Variants in AGMO observed in about 807,000 individuals in gnomAD.
The protein encoded by AGMO is alkylglycerol monooxygenase.
Under a neutral mutation model 60.2 loss-of-function variants are expected in AGMO, and 75 were observed. The ratio of observed to expected loss-of-function variants is 1.25; its 90% CI spans 1.03 to 1.51. AGMO has a LOEUF of 1.51. AGMO is among the 40% of genes most tolerant of loss of function. The probability of loss-of-function intolerance (pLI) is 0.00; values close to 1 mark genes in which losing one functional copy is unlikely to be tolerated. For synonymous variants in AGMO, 261 were observed against 177.1 expected (o/e 1.47, Z -3.76); for missense variants, 763 against 525.5 (o/e 1.45, Z -4.42).
intron 12 of AGMO, among the ~76,000 whole-genome samples, chr7:15,208,449 A>C (rs1419116338): frequency 6.6e-6 from 1 of 152,104 alleles, no homozygotes; most frequent in Non-Finnish European, 1.5e-5. Flanking sequence ...TGAGAAGAAA[A>C]TTTTTTAAAA....
intron 12 of AGMO, among the ~76,000 whole-genome samples, chr7:15,332,059 A>T (rs1027555983): frequency 2.0e-5 from 3 of 152,136 alleles, no homozygotes; most frequent in Non-Finnish European, 4.4e-5. Context: ...AGACGAGTGA[A>T]ATCATAAGAT....
At chr7:15,466,397 A>G (rs568565504) in intron 3 of AGMO, among the ~76,000 whole-genome samples, 5 of 152,110 alleles carry the variant, frequency 3.3e-5, no homozygotes, top group Non-Finnish European at 7.4e-5. Context: ...TTAATGATAT[A>G]ATGTAGTTAA....
Position 15,387,482 on chromosome 7 carries a change from T to A in AGMO, c.881A>T (p.Lys294Met). The change falls in exon 9 of 13, where the codon AAG becomes ATG. Residue 294 changes from lysine to methionine, a missense_variant. Lys to Met is a moderately conservative substitution (Grantham distance 95). Transcript: ENST00000342526. ...TFWATPGFFN[K>M]FSVIFKGPGW... ...CGGTCCCTTAAATATGACAGAAAAC[T>A]TATTGAAGAATCCAGGTGTGGCCCA... is the stretch of plus-strand genomic sequence containing the variant. 6.2e-7 allele frequency: 1 copy of A among 1,613,986 alleles called. No homozygotes were observed. Among genetic ancestry groups the A allele is most frequent in the Non-Finnish European group, 8.5e-7 (1 of 1,179,914 alleles).
chr7:15,244,184 T>C (rs1782675672), intron 12 of AGMO, among the ~76,000 whole-genome samples: 1 of 72,108 alleles, frequency 1.4e-5, no homozygotes, highest in South Asian at 4.5e-4. Flanking sequence ...GTACAATAAA[T>C]AGAAGGATAC....
At chr7:15,279,580 A>C (rs968321798) in intron 12 of AGMO, among the ~76,000 whole-genome samples, 3 of 152,080 alleles carry the variant, frequency 2.0e-5, no homozygotes, top group African/African-American at 7.2e-5. Flanking sequence ...TCCAACTTGG[A>C]AAGACAAACT....
chr7:15,557,365 G>A (rs987747332), intron 2 of AGMO, among the ~76,000 whole-genome samples: 2 of 152,038 alleles, frequency 1.3e-5, no homozygotes, highest in Non-Finnish European at 2.9e-5. Flanking sequence ...AGCCCCTGTT[G>A]CTAGTGTAGA....
intron 12 of AGMO, among the ~76,000 whole-genome samples, chr7:15,331,996 A>C (rs938078229): frequency 9.2e-5 from 14 of 152,078 alleles, no homozygotes; most frequent in Admixed American, 8.5e-4. Context: ...ATGCTGCCCC[A>C]AAACCTCCAA....
intron 12 of AGMO, among the ~76,000 whole-genome samples, chr7:15,310,817 T>C (rs958586754): frequency 4.6e-5 from 7 of 152,180 alleles, no homozygotes; most frequent in Non-Finnish European, 1.0e-4. Context: ...GGCAGGGCTG[T>C]GTTCCTTTCT....
At chr7:15,272,376 G>A (rs570858245) in intron 12 of AGMO, among the ~76,000 whole-genome samples, 49 of 148,842 alleles carry the variant, frequency 3.3e-4, no homozygotes, top group African/African-American at 1.1e-3. Context: ...GAGAACATGC[G>A]GTGTTTGGTT....
At chr7:15,232,977 A>G (rs975122645) in intron 12 of AGMO, among the ~76,000 whole-genome samples, 6 of 152,224 alleles carry the variant, frequency 3.9e-5, no homozygotes, top group Admixed American at 1.3e-4. Context: ...CATTTTAAAG[A>G]GTAAACAGAG....
intron 3 of AGMO, among the ~76,000 whole-genome samples, chr7:15,460,552 G>A (rs914011738): frequency 1.3e-5 from 2 of 151,844 alleles, no homozygotes; most frequent in African/African-American, 4.8e-5. Context: ...TTGCTTTTCA[G>A]AAATAAATGT....
At chr7:15,452,630 C>T (rs921443002) in intron 3 of AGMO, among the ~76,000 whole-genome samples, 5 of 152,086 alleles carry the variant, frequency 3.3e-5, no homozygotes, top group African/African-American at 9.7e-5. Context: ...GAAACATTGC[C>T]GGTGTGTATG....
chr7:15,408,514 T>C (rs1182256873), intron 5 of AGMO, among the ~76,000 whole-genome samples: 1 of 151,818 alleles, frequency 6.6e-6, no homozygotes, highest in Admixed American at 6.6e-5. Context: ...GGAGGACAAC[T>C]CAACCAGTGT....
At chr7:15,331,543 T>C (rs1219829439) in intron 12 of AGMO, among the ~76,000 whole-genome samples, 1 of 152,128 alleles carries the variant, frequency 6.6e-6, no homozygotes, top group Non-Finnish European at 1.5e-5. Context: ...CTGTAAAGAT[T>C]TTTGCACTCT....
At chr7:15,385,416 C>T in intron 10 of AGMO, 30 bp downstream of exon 10, 1 of 1,339,062 alleles carries the variant, frequency 7.5e-7, no homozygotes, top group South Asian at 1.2e-5. Context: ...AGATAATGTT[C>T]TCACACTACT....
At chr7:15,376,287 T>C (rs1783447112) in intron 10 of AGMO, among the ~76,000 whole-genome samples, 2 of 151,988 alleles carry the variant, frequency 1.3e-5, no homozygotes, top group African/African-American at 4.8e-5. Flanking sequence ...ACCCTGGACA[T>C]TGACTTGAAA....
intron 12 of AGMO, among the ~76,000 whole-genome samples, chr7:15,232,734 C>T (rs986398696): frequency 6.6e-6 from 1 of 151,436 alleles, no homozygotes; most frequent in Admixed American, 6.6e-5. Context: ...TTCAACACTT[C>T]AGTACTCTAT....
intron 5 of AGMO, among the ~76,000 whole-genome samples, chr7:15,400,247 G>C (rs1784517962): frequency 6.6e-6 from 1 of 151,778 alleles, no homozygotes; most frequent in African/African-American, 2.4e-5. Context: ...TTACAGCAGC[G>C]GTTCTCAAAT....
At chr7:15,520,713 A>T (rs1490527602) in intron 3 of AGMO, among the ~76,000 whole-genome samples, 1 of 152,222 alleles carries the variant, frequency 6.6e-6, no homozygotes, top group African/African-American at 2.4e-5. Flanking sequence ...TCTAGAGGAA[A>T]ATTTATAGCA....
Sources: gnomAD v4.1 joint callset for allele counts (sites outside exome capture counted in the v4.1 genomes callset) on GRCh38, gnomAD v4.1.1 for gene constraint, MANE v1.5 for transcripts, NCBI Gene and HGNC (gene_info 2026-07-23, HGNC 2026-07-21) for gene names.